Variants in KIAA0825 observed in about 807,000 individuals in gnomAD.
KIAA0825 encodes uncharacterized protein KIAA0825.
A neutral mutation model predicts 147.6 loss-of-function variants in KIAA0825; 119 were observed. The observed-to-expected ratio is 0.81, with a 90% CI of 0.69 to 0.94. The LOEUF (loss-of-function observed/expected upper bound fraction) is 0.94, where lower values mean the gene tolerates loss of function less well. Ranked by LOEUF, KIAA0825 falls within the 40% of genes least tolerant of loss-of-function variation. The pLI, the probability that KIAA0825 is intolerant of heterozygous loss-of-function variation, is 0.00. For missense variants in KIAA0825, 1,381 were observed against 1,472.7 expected (o/e 0.94, Z 1.02); for synonymous variants, 470 against 518.1 (o/e 0.91, Z 1.26).
At chr5:94,399,506 T>A (rs1258760475) in intron 16 of KIAA0825, among the ~76,000 whole-genome samples, 6 of 152,138 alleles carry the variant, frequency 3.9e-5, no homozygotes, top group African/African-American at 1.4e-4. Flanking sequence ...AGTCAGAACC[T>A]TCAGGCTGAT....
chr5:94,239,232 G>A (rs537132481), intron 20 of KIAA0825, among the ~76,000 whole-genome samples: 19 of 152,220 alleles, frequency 1.2e-4, no homozygotes, highest in Non-Finnish European at 2.4e-4. Flanking sequence ...TAGTAACCCC[G>A]CTTCATCGGG....
At chr5:94,518,513 C>T (rs887284032) in intron 5 of KIAA0825, among the ~76,000 whole-genome samples, 2 of 152,118 alleles carry the variant, frequency 1.3e-5, no homozygotes, top group African/African-American at 4.8e-5. Context: ...TGCTTGAGAA[C>T]ATGGGTCCCA....
At chr5:94,179,186 C>G (rs1024238500) in intron 20 of KIAA0825, among the ~76,000 whole-genome samples, 17 of 152,022 alleles carry the variant, frequency 1.1e-4, no homozygotes, top group Admixed American at 1.0e-3. Flanking sequence ...TGAAATTGCT[C>G]TGCAGAGAAG....
At chr5:94,411,170 G>T (rs925394095) in intron 15 of KIAA0825, among the ~76,000 whole-genome samples, 9 of 152,024 alleles carry the variant, frequency 5.9e-5, no homozygotes, top group African/African-American at 2.2e-4. Flanking sequence ...ATGGGTTAAA[G>T]ATACATATTG....
At position 94,520,693 on chromosome 5, in the gene KIAA0825, T is replaced by C. The variant is rs1418772242; in HGVS notation, c.525A>G (p.Lys175=). 7 of 1,613,334 alleles carry C rather than the reference T, an allele frequency of 4.3e-6. No homozygotes were observed. Among genetic ancestry groups the C allele is most frequent in the Non-Finnish European group, 5.9e-6 (7 of 1,179,510 alleles). The change falls in exon 5 of 21, where the codon AAA becomes AAG. Residue 175 remains lysine, a synonymous_variant. Transcript: ENST00000682413. ...RLHLRRFLVS[K]LQSHNEINNS... ...TGTTTATTTCATTATGGCTTTGTAA[T>C]TTGCTCACTAAGAAGCGTCGAAGAT...
In KIAA0825 at chr5:94,506,849, C is replaced by A. The variant is rs570886754; in HGVS notation, c.970+13399G>T. 2.9e-4 allele frequency among the ~76,000 whole-genome samples: 44 copies of A among 152,228 alleles called. No homozygotes were observed. The Middle Eastern group carries it at 0.017, about 59-fold the overall frequency. The stretch of plus-strand genomic sequence containing the variant: ...TTTCTAAGCCTGAAAACACGCCACA[C>A]TTCATTGGAATAAACCAGTTTCAGT... On this transcript the variant is annotated intron_variant, in intron 5 of 20. Coordinates refer to ENST00000682413, the MANE Select transcript of KIAA0825 (RefSeq NM_001145678.3).
chr5:94,483,575 G>A (rs899986559), intron 6 of KIAA0825, among the ~76,000 whole-genome samples: 1 of 150,756 alleles, frequency 6.6e-6, no homozygotes, highest in African/African-American at 2.4e-5. Context: ...GCTTTTTTTT[G>A]GTTTTTTTGG....
intron 20 of KIAA0825, among the ~76,000 whole-genome samples, chr5:94,299,455 A>G (rs1156465467): frequency 4.0e-5 from 6 of 151,796 alleles, no homozygotes; most frequent in Non-Finnish European, 1.5e-5. Context: ...TCCTGGGCTC[A>G]AGTGACCCTC....
At position 94,337,964 on chromosome 5, in the gene KIAA0825, G is replaced by A. The variant is rs114825491; in HGVS notation, c.3710+46404C>T. Among the ~76,000 whole-genome samples, 1,074 of 152,314 alleles carry A rather than the reference G, an allele frequency of 7.1e-3. 12 individuals are homozygous for A. The highest frequency in any genetic ancestry group is 0.025 in the African/African-American group (1,022 of 41,556). ...CAGAGGCCAGTTACGAGCTCCTGAA[G>A]TAATCTGCATAGGAGATGATGGTAC... On this transcript the variant is annotated intron_variant, in intron 20 of 20. Transcript: ENST00000682413.
chr5:94,456,488 G>A lies in KIAA0825; in HGVS notation c.2247-3419C>T, dbSNP rs529029751. Among the ~76,000 whole-genome samples, 20 of 151,948 alleles carry A rather than the reference G, an allele frequency of 1.3e-4. 1 individual carries two copies. The East Asian group carries it at 3.9e-3, about 29-fold the overall frequency. ...TCCCTTTCCATTTACTTTTTTATCT[G>A]CTCCATACCACAAGGGTAAGGTCAT... is the stretch of plus-strand genomic sequence containing the variant. On this transcript the variant is annotated intron_variant, in intron 12 of 20. Transcript: ENST00000682413.
At chr5:94,455,874 T>G (rs1256989765) in intron 12 of KIAA0825, among the ~76,000 whole-genome samples, 1 of 152,130 alleles carries the variant, frequency 6.6e-6, no homozygotes, top group African/African-American at 2.4e-5. Flanking sequence ...TACCCAAGGT[T>G]GGACAAAGAG....
rs1230914313 is a variant in KIAA0825 at position 94,384,559 on chromosome 5, A to AG, written c.3620-102dup. 8 of 888,254 alleles carry AG rather than the reference A, an allele frequency of 9.0e-6. No homozygotes were observed. In the East Asian group the frequency reaches 1.3e-4, roughly 15 times the overall value. The allele number at this position is 888,254 out of a possible 1,614,324, so 55.0% of individuals were successfully genotyped here. A position where few individuals can be genotyped will look rare whatever the true frequency, so the allele number is the denominator to read the frequency against. On this transcript the variant is annotated intron_variant, in intron 19 of 20. Coordinates refer to ENST00000682413, the MANE Select transcript of KIAA0825 (RefSeq NM_001145678.3). ...AGCTGTGATAGACTAACTAAGAAGGAGGGGGGTCCAGAACAAGGACTTAGA... is the reference window on the plus strand; with the variant it reads ...AGCTGTGATAGACTAACTAAGAAGGAGGGGGGGTCCAGAACAAGGACTTAGA...
chr5:94,456,373 CCTTT>C (rs1472035653), intron 12 of KIAA0825, among the ~76,000 whole-genome samples: 2 of 152,124 alleles, frequency 1.3e-5, no homozygotes, highest in Admixed American at 6.5e-5. Flanking sequence ...CTCTGACTAC[CCTTT>C]CTAAAATATA....
At chr5:94,421,743 C>T (rs1245302857) in intron 14 of KIAA0825, among the ~76,000 whole-genome samples, 1 of 151,906 alleles carries the variant, frequency 6.6e-6, no homozygotes, top group Non-Finnish European at 1.5e-5. Flanking sequence ...TTAAAGTCCT[C>T]CATAATGCCT....
At chr5:94,340,350 T>G (rs1228947429) in intron 20 of KIAA0825, among the ~76,000 whole-genome samples, 1 of 152,078 alleles carries the variant, frequency 6.6e-6, no homozygotes, top group Non-Finnish European at 1.5e-5. Flanking sequence ...ACCATCCATT[T>G]TTTGGGGGGG....
chr5:94,499,342 T>G (rs1323189922), intron 5 of KIAA0825, among the ~76,000 whole-genome samples: 3 of 152,072 alleles, frequency 2.0e-5, no homozygotes, highest in Non-Finnish European at 4.4e-5. Context: ...GAGCCAGCAT[T>G]CCCCCCTGCA....
intron 20 of KIAA0825, among the ~76,000 whole-genome samples, chr5:94,164,259 A>C (rs971136717): frequency 2.0e-5 from 3 of 152,194 alleles, no homozygotes; most frequent in African/African-American, 7.2e-5. Context: ...ATCCTACACA[A>C]AAAGAACAAA....
At chr5:94,370,557 A>G (rs1415445612) in intron 20 of KIAA0825, among the ~76,000 whole-genome samples, 2 of 152,200 alleles carry the variant, frequency 1.3e-5, no homozygotes, top group Non-Finnish European at 1.5e-5. Flanking sequence ...TGGTAGTTTG[A>G]GTTAAATTCT....
chr5:94,239,888 A>T (rs755965585), intron 20 of KIAA0825, among the ~76,000 whole-genome samples: 2 of 152,184 alleles, frequency 1.3e-5, no homozygotes, highest in Non-Finnish European at 2.9e-5. Flanking sequence ...ATAGTTGTAC[A>T]GTCTTTAACT....
Sources: gnomAD v4.1 joint callset for allele counts (sites outside exome capture counted in the v4.1 genomes callset) on GRCh38, gnomAD v4.1.1 for gene constraint, MANE v1.5 for transcripts, NCBI Gene and HGNC (gene_info 2026-07-23, HGNC 2026-07-21) for gene names.